P2RY12: variants seen among roughly 807,000 people sequenced by gnomAD.
P2RY12 encodes P2Y purinoceptor 12.
A neutral mutation model predicts 4.5 loss-of-function variants in P2RY12; 3 were observed. The observed-to-expected ratio is 0.67, with a 90% CI of 0.31 to 1.74. The LOEUF is 1.74. P2RY12 is among the 40% of genes most tolerant of loss of function. The pLI is 0.09. For synonymous variants in P2RY12, 148 were observed against 154.1 expected, an observed-to-expected ratio of 0.96 and a Z score of 0.29; for missense variants, 356 against 407.8, an observed-to-expected ratio of 0.87 and a Z score of 1.09.
intron 1 of P2RY12, chr3:151,350,211 A>G: frequency 6.2e-7 from 1 of 1,613,114 alleles, no homozygotes; most frequent in Admixed American, 1.7e-5. Flanking sequence ...CAGGGGGTAA[A>G]GAACCTTAAT....
At chr3:151,368,669 C>T (rs1432365764) in intron 1 of P2RY12, among the ~76,000 whole-genome samples, 5 of 58,466 alleles carry the variant, frequency 8.6e-5, no homozygotes, top group Non-Finnish European at 1.8e-4. Context: ...CATTTCATTT[C>T]ATTTCATGTC....
chr3:151,383,554 A>G lies in P2RY12; in HGVS notation c.-180+1138T>C, dbSNP rs568513189. Among the ~76,000 whole-genome samples the G allele has an allele frequency of 5.3e-5, 8 of 152,322 alleles. No homozygotes were observed. In the East Asian group the frequency reaches 9.6e-4, roughly 18 times the overall value. On this transcript the variant is annotated intron_variant, in intron 1 of 2. Transcript: ENST00000302632. ...TATTGGTGCCCACATTCAGATACTC[A>G]CGTCCCTTCTTCATTTTAGTTAATG...
chr3:151,383,774 G>A (rs1712835642), intron 1 of P2RY12: 1 of 1,598,930 alleles, frequency 6.3e-7, no homozygotes, highest in African/African-American at 1.3e-5. Context: ...TATTTTGTCT[G>A]CTAGGTAGGA....
intron 1 of P2RY12, among the ~76,000 whole-genome samples, chr3:151,341,336 C>A (rs1210217239): frequency 6.6e-6 from 1 of 151,990 alleles, no homozygotes; most frequent in African/African-American, 2.4e-5. Context: ...GTGATTGTAT[C>A]CATTGCCAGG....
In P2RY12 at chr3:151,337,206, AATCTTT is replaced by A. The variant is rs1352108567; in HGVS notation, c.*605_*610del. ...CTCTTTATTGTAAAGGTCTTCTTTA[AATCTTT>A]ATCTTCTAAATAAACATAAAAAATT... is the stretch of plus-strand genomic sequence containing the variant. On this transcript the variant is annotated 3_prime_UTR_variant, in exon 3 of 3. Transcript: ENST00000302632. 6.6e-6 allele frequency: 1 copy of A among 152,134 alleles called. No individual in the cohort carries two copies. The highest frequency in any genetic ancestry group is 2.4e-5 in the African/African-American group (1 of 41,442). The allele number at this position is 152,134 out of a possible 1,614,324, so 9.4% of individuals were successfully genotyped here.
intron 1 of P2RY12, chr3:151,384,238 G>A (rs2108161325): frequency 1.3e-6 from 2 of 1,585,408 alleles, no homozygotes; most frequent in Non-Finnish European, 1.7e-6. Context: ...AGATCAGCCT[G>A]TATTATGAGC....
In P2RY12 at chr3:151,383,948, A is replaced by G. The variant is rs76772217; in HGVS notation, c.-180+744T>C. On this transcript the variant is annotated intron_variant, in intron 1 of 2. Transcript: ENST00000302632. Reference sequence around the variant, plus strand: ...ATGTATGCATGGTATAAGCTTTGATATACTGATGGCGATTTCTGCCACATC... The same window carrying G: ...ATGTATGCATGGTATAAGCTTTGATGTACTGATGGCGATTTCTGCCACATC... 9,285 of 1,518,778 alleles carry G rather than the reference A, an allele frequency of 6.1e-3. 466 individuals carry two copies. In the African/African-American group the frequency reaches 0.11, roughly 18 times the overall value. The allele number at this position is 1,518,778 out of a possible 1,614,324, so 94.1% of individuals were successfully genotyped here.
rs112751547 is a variant in P2RY12, at chr3:151,337,494, A to C, written c.*323T>G. The C allele has an allele frequency of 7.9e-3, 1,977 of 248,804 alleles. 19 individuals carry two copies. Among genetic ancestry groups the C allele is most frequent in the South Asian group, 0.023 (388 of 16,820 alleles). The allele number at this position is 248,804 out of a possible 1,614,324, so 15.4% of individuals were successfully genotyped here. A position where few individuals can be genotyped will look rare whatever the true frequency, so the allele number is the denominator to read the frequency against. ...AAATTGTGAACGATAATGTATTTTA[A>C]AAATTACAGTAAATATTATATGATT... On this transcript the variant is annotated 3_prime_UTR_variant, in exon 3 of 3. Coordinates refer to ENST00000302632, the MANE Select transcript of P2RY12 (RefSeq NM_022788.5).
rs535856604 is a variant in P2RY12 at position 151,338,249 on chromosome 3, C to A, written c.597G>T (p.Trp199Cys). The A allele has an allele frequency of 6.2e-7, 1 of 1,613,784 alleles. No individual in the cohort carries two copies. The highest frequency in any genetic ancestry group is 8.5e-7 in the Non-Finnish European group (1 of 1,179,918). Reference protein sequence around the residue: ...IVNYICQVIFWINFLIVIVCY... With the variant: ...IVNYICQVIFCINFLIVIVCY... ...ATACAATAACAATTAAGAAATTAAT[C>A]CAGAAAATGACTTGACAGATGTAAT... The change falls in exon 3 of 3, where the codon TGG becomes TGT. Residue 199 changes from tryptophan to cysteine, a missense_variant. Transcript: ENST00000302632.
At chr3:151,367,587 T>A (rs1037263091) in intron 1 of P2RY12, 81 of 1,487,304 alleles carry the variant, frequency 5.4e-5, no homozygotes, top group Admixed American at 8.1e-5. Context: ...TAGTTATTAA[T>A]CTTAGATACT....
At chr3:151,357,511 C>A in intron 1 of P2RY12, 1 of 728,276 alleles carries the variant, frequency 1.4e-6, no homozygotes, top group South Asian at 2.7e-5. Flanking sequence ...AACACTCTTG[C>A]CAGAAAACAT....
chr3:151,339,698 T>C (rs558869221), intron 2 of P2RY12, among the ~76,000 whole-genome samples: 151 of 152,180 alleles, frequency 9.9e-4, no homozygotes, highest in African/African-American at 3.4e-3. Context: ...TGAGTTGGCA[T>C]TCCTCAAAAC....
At chr3:151,379,014 A>G (rs1711724949) in intron 1 of P2RY12, among the ~76,000 whole-genome samples, 2 of 152,256 alleles carry the variant, frequency 1.3e-5, no homozygotes, top group Non-Finnish European at 2.9e-5. Context: ...GCTCCAGGAC[A>G]CACAGTGAAG....
intron 1 of P2RY12, chr3:151,380,082 A>T: frequency 7.5e-7 from 1 of 1,326,190 alleles, no homozygotes; most frequent in Non-Finnish European, 1.1e-6. Context: ...ATTTCTAACT[A>T]GATCTGTTGT....
In P2RY12 at chr3:151,338,589, T is replaced by C. The variant is rs540492659; in HGVS notation, c.257A>G (p.Lys86Arg). 1.1e-5 allele frequency: 18 copies of C among 1,614,028 alleles called. No homozygotes were observed. The African/African-American group carries it at 1.5e-4, about 13-fold the overall frequency. ...TFPFKILSDA[K>R]LGTGPLRTFV... ...AGTTCTCAGTGGTCCTGTTCCCAGT[T>C]TGGCATCACTAAGAATTTTGAATGG... Residue 86 changes from lysine to arginine, a missense_variant, in exon 3 of 3, where the codon AAA (lysine) becomes AGA (arginine). By Grantham distance (26) the Lys-to-Arg change is conservative. Coordinates refer to ENST00000302632, the MANE Select transcript of P2RY12 (RefSeq NM_022788.5).
In P2RY12 at chr3:151,358,780, C is replaced by T. The variant is rs895870068; in HGVS notation, c.-179-18020G>A. The stretch of plus-strand genomic sequence containing the variant: ...CTTATGTGAACAGTACACTGGATTA[C>T]GATGTGAAATGTTTTTCTTATTGCT... On this transcript the variant is annotated intron_variant, in intron 1 of 2. Coordinates refer to ENST00000302632, the MANE Select transcript of P2RY12 (RefSeq NM_022788.5). Among the ~76,000 whole-genome samples, 7 of 152,192 alleles carry T rather than the reference C, an allele frequency of 4.6e-5. No individual in the cohort carries two copies. The South Asian group carries it at 1.2e-3, about 27-fold the overall frequency.
In P2RY12 at chr3:151,372,623, A is replaced by C. The variant is rs1437332600; in HGVS notation, c.-180+12069T>G. On this transcript the variant is annotated intron_variant, in intron 1 of 2. Coordinates refer to ENST00000302632, the MANE Select transcript of P2RY12 (RefSeq NM_022788.5). The stretch of plus-strand genomic sequence containing the variant: ...CTCTTTAAAGAATGATGACTTCACC[A>C]TGAGAGGTTTGCGATGTGATGGGAA... 1.2e-6 allele frequency: 2 copies of C among 1,613,840 alleles called. No individual in the cohort carries two copies. The highest frequency in any genetic ancestry group is 1.3e-5 in the African/African-American group (1 of 74,916).
At chr3:151,340,827 T>C (rs568696721) in intron 1 of P2RY12, 67 bp from the exon 2 acceptor site, 5 of 152,562 alleles carry the variant, frequency 3.3e-5, no homozygotes, top group Non-Finnish European at 7.4e-5. Context: ...AACACTGGAC[T>C]CAAAGCTATG....
chr3:151,372,677 A>T (rs1756337965), intron 1 of P2RY12: 2 of 1,613,866 alleles, frequency 1.2e-6, no homozygotes, highest in Non-Finnish European at 1.7e-6. Context: ...TGCCTCACAA[A>T]ATCCAAAATC....
Sources: allele counts gnomAD v4.1 joint callset (sites outside exome capture counted in the v4.1 genomes callset), GRCh38; gene constraint gnomAD v4.1.1; transcripts MANE v1.5; gene names NCBI Gene and HGNC (gene_info 2026-07-23, HGNC 2026-07-21).